Variants in MYO3B observed in about 807,000 individuals in gnomAD.
The protein encoded by MYO3B is myosin-IIIb.
MYO3B carries 156 observed loss-of-function variants against 174.6 expected under a neutral mutation model. The ratio of observed to expected loss-of-function variants is 0.89; its 90% CI spans 0.78 to 1.02. The LOEUF (loss-of-function observed/expected upper bound fraction) is 1.02. MYO3B is among the 50% of genes least tolerant of loss of function. The probability of loss-of-function intolerance (pLI) is 0.00; values close to 1 mark genes in which losing one functional copy is unlikely to be tolerated. For synonymous variants in MYO3B, 563 were observed against 569.1 expected (o/e 0.99, Z 0.15); for missense variants, 1,632 against 1,639.4 (o/e 1.00, Z 0.08).
intron 7 of MYO3B, among the ~76,000 whole-genome samples, chr2:170,290,207 G>T (rs56333753): frequency 0.069 from 10,516 of 152,042 alleles, 1,167 homozygotes; most frequent in African/African-American, 0.23. Flanking sequence ...GATTTAGTGT[G>T]GAGTTTAACT....
At chr2:170,480,390 G>A (rs1685614430) in intron 25 of MYO3B, among the ~76,000 whole-genome samples, 1 of 152,160 alleles carries the variant, frequency 6.6e-6, no homozygotes, top group South Asian at 2.1e-4. Context: ...TTCCTGGAGG[G>A]TGGCACACCC....
rs983328377 is a variant in MYO3B, at chr2:170,459,754, G to A, written c.2731-3614G>A. Among the ~76,000 whole-genome samples, 18 of 152,302 alleles carry A rather than the reference G, an allele frequency of 1.2e-4. 1 individual carries two copies. Among genetic ancestry groups the A allele is most frequent in the South Asian group, 8.3e-4 (4 of 4,834 alleles). ...GGGGGTGGGGGGGCTTGGGCATGGC[G>A]GGCTGCGGGTCCTGAGCCCTGCCCC... On this transcript the variant is annotated intron_variant, in intron 23 of 34. Coordinates refer to ENST00000408978, the MANE Select transcript of MYO3B (RefSeq NM_138995.5).
intron 7 of MYO3B, among the ~76,000 whole-genome samples, chr2:170,319,839 T>C (rs1303616802): frequency 6.6e-6 from 1 of 152,174 alleles, no homozygotes; most frequent in East Asian, 1.9e-4. Flanking sequence ...ACTTTTCATC[T>C]GAAAAGTAGA....
In MYO3B at chr2:170,501,841, G is replaced by A. The variant is rs199727962; in HGVS notation, c.3346G>A (p.Glu1116Lys). 41 of 1,611,700 alleles carry A rather than the reference G, an allele frequency of 2.5e-5. No homozygotes were observed. The highest frequency in any genetic ancestry group is 3.4e-5 in the Non-Finnish European group (40 of 1,177,962). ...KFKKISNRRN[E>K]SAAHNQAGDT... ...TAAGAAAATAAGCAACAGAAGGAAT[G>A]AGTCTGCTGCTCATAATCAAGCAGG... Residue 1116 changes from glutamate (E) to lysine (K), a missense_variant, in exon 28 of 35, where the codon GAG (glutamate) becomes AAG (lysine). Physicochemically the swap from Glu to Lys is moderately conservative, Grantham distance 56. Transcript: ENST00000408978.
At chr2:170,592,360 A>G (rs1279319633) in intron 32 of MYO3B, among the ~76,000 whole-genome samples, 2 of 152,324 alleles carry the variant, frequency 1.3e-5, no homozygotes, top group Non-Finnish European at 2.9e-5. Flanking sequence ...TCTCTTTAAT[A>G]AGACCATTCC....
intron 23 of MYO3B, among the ~76,000 whole-genome samples, chr2:170,459,223 G>GT (rs1684102106): frequency 6.6e-6 from 1 of 152,198 alleles, no homozygotes; most frequent in African/African-American, 2.4e-5. Flanking sequence ...CTGGCAGCCT[G>GT]CTTTTATTCC....
intron 22 of MYO3B, chr2:170,412,243 G>GA (rs1268074426): frequency 6.6e-6 from 1 of 152,192 alleles, no homozygotes; most frequent in African/African-American, 2.4e-5. Context: ...GGGGAAGAAA[G>GA]AAACAGAGTT....
In MYO3B at chr2:170,499,738, G is replaced by A; in HGVS notation, c.3219G>A (p.Gly1073=). ...RVVVLQAYTK[G]WLGARRYKRV... is the part of the protein sequence containing the mutation. Reference sequence around the variant, plus strand: ...TTGTGCTGCAGGCATATACCAAGGGGTGGCTTGGAGCCAGGAGATACAAAA... The same window carrying A: ...TTGTGCTGCAGGCATATACCAAGGGATGGCTTGGAGCCAGGAGATACAAAA... Residue 1073 remains glycine, a synonymous_variant, in exon 27 of 35, where the codon GGG becomes GGA. Coordinates refer to ENST00000408978, the MANE Select transcript of MYO3B (RefSeq NM_138995.5). 1 of 1,614,122 alleles carries A rather than the reference G, an allele frequency of 6.2e-7. No homozygotes were observed.
At chr2:170,608,139 C>T (rs979636020) in intron 32 of MYO3B, among the ~76,000 whole-genome samples, 3 of 152,118 alleles carry the variant, frequency 2.0e-5, no homozygotes, top group African/African-American at 4.8e-5. Context: ...ACAGGCGAGG[C>T]GGAGGTTGCA....
intron 23 of MYO3B, among the ~76,000 whole-genome samples, chr2:170,445,285 A>C (rs2105915416): frequency 6.6e-6 from 1 of 152,324 alleles, no homozygotes; most frequent in South Asian, 2.1e-4. Context: ...CATGAGGCAT[A>C]TCACAACCTT....
rs142715357 is a variant in MYO3B at position 170,470,828 on chromosome 2, A to T, written c.3014+4117A>T. ...ATTTGCATTTCTCTAATGACTAATG[A>T]TGTTGAGCAGCTTTTCTGTGTTTCT... On this transcript the variant is annotated intron_variant, in intron 25 of 34. Transcript: ENST00000408978. Among the ~76,000 whole-genome samples, 15 of 152,324 alleles carry T rather than the reference A, an allele frequency of 9.8e-5. No individual in the cohort carries two copies. In the East Asian group the frequency reaches 2.9e-3, roughly 29 times the overall value.
Position 170,499,745 on chromosome 2 carries a change from G to T in MYO3B, c.3226G>T (p.Gly1076Ter). The T allele has an allele frequency of 6.2e-7, 1 of 1,614,130 alleles. No homozygotes were observed. Among genetic ancestry groups the T allele is most frequent in the Non-Finnish European group, 8.5e-7 (1 of 1,179,996 alleles). The change falls in exon 27 of 35, where the codon GGA becomes TGA. Residue 1076 changes from glycine to a stop codon, truncating the protein, a stop_gained. Transcript: ENST00000408978. LOFTEE classifies it high-confidence loss of function. ...GCAGGCATATACCAAGGGGTGGCTT[G>T]GAGCCAGGAGATACAAAAGGGTCAG... is the stretch of plus-strand genomic sequence containing the variant. ...VLQAYTKGWL[G>*]ARRYKRVREK...
At chr2:170,448,049 G>A (rs1683341809) in intron 23 of MYO3B, among the ~76,000 whole-genome samples, 1 of 152,176 alleles carries the variant, frequency 6.6e-6, no homozygotes, top group African/African-American at 2.4e-5. Flanking sequence ...GAGCAATCTG[G>A]GGAGGTTTAG....
intron 28 of MYO3B, among the ~76,000 whole-genome samples, chr2:170,504,041 T>A (rs2106093602): frequency 6.6e-6 from 1 of 152,334 alleles, no homozygotes; most frequent in Admixed American, 6.5e-5. Context: ...ACGTTTCTGT[T>A]TGGGGTTGTG....
chr2:170,400,487 C>T (rs1462674339), intron 17 of MYO3B, among the ~76,000 whole-genome samples, 173 bp downstream of exon 17: 1 of 150,480 alleles, frequency 6.6e-6, no homozygotes, highest in Non-Finnish European at 1.5e-5. Flanking sequence ...CTCACTGCAA[C>T]CTCTGCCTCC....
intron 7 of MYO3B, among the ~76,000 whole-genome samples, chr2:170,245,521 C>G (rs1465825410): frequency 2.6e-5 from 4 of 152,206 alleles, no homozygotes; most frequent in Non-Finnish European, 5.9e-5. Flanking sequence ...TGGCAGAACT[C>G]TAAACCTGAA....
In MYO3B at chr2:170,191,474, C is replaced by T. The variant is rs28637086; in HGVS notation, c.3-7734C>T. Among the ~76,000 whole-genome samples, 37 of 152,110 alleles carry T rather than the reference C, an allele frequency of 2.4e-4. 1 individual carries two copies. Among genetic ancestry groups the T allele is most frequent in the African/African-American group, 6.5e-4 (27 of 41,524 alleles). ...TAGAACCCCAGAGCAATTTAGTTCA[C>T]GGTGGTGAGGCTTGCCAGAACTCAA... On this transcript the variant is annotated intron_variant, in intron 1 of 34. Transcript: ENST00000408978.
rs374544353 is a variant in MYO3B at position 170,178,267 on chromosome 2, G to A, written c.-21G>A. The A allele has an allele frequency of 3.7e-6, 6 of 1,614,128 alleles. No individual in the cohort carries two copies. In the South Asian group the frequency reaches 4.4e-5, roughly 12 times the overall value. ...TGAGAATCCAATCTCTCATAAGCCG[G>A]ATTCAGAAAATAGGTCATCGATGTG... On this transcript the variant is annotated 5_prime_UTR_variant, in exon 1 of 35. Transcript: ENST00000408978.
chr2:170,288,388 T>G (rs2093572551), intron 7 of MYO3B, among the ~76,000 whole-genome samples: 3 of 152,048 alleles, frequency 2.0e-5, no homozygotes, highest in Non-Finnish European at 2.9e-5. Flanking sequence ...TTTGGTATCC[T>G]CTTCGATTTC....
Sources: allele counts gnomAD v4.1 joint callset (sites outside exome capture counted in the v4.1 genomes callset), GRCh38; gene constraint gnomAD v4.1.1; transcripts MANE v1.5; gene names NCBI Gene and HGNC (gene_info 2026-07-23, HGNC 2026-07-21).